The following NAALADL2 variants were observed in gnomAD, a reference collection of about 807,000 sequenced individuals.
NAALADL2 encodes N-acetylated alpha-linked acidic dipeptidase like 2, also known as inactive N-acetylated-alpha-linked acidic dipeptidase-like protein 2.
Under a neutral mutation model 87.2 loss-of-function variants are expected in NAALADL2, and 76 were observed. The observed-to-expected ratio is 0.87, with a 90% CI of 0.72 to 1.05. The LOEUF (loss-of-function observed/expected upper bound fraction) is 1.05. NAALADL2 is among the 50% of genes least tolerant of loss of function. The pLI is 0.00. For missense variants in NAALADL2, 1,089 were observed against 945.8 expected (o/e 1.15, Z -1.99); for synonymous variants, 354 against 331.0 (o/e 1.07, Z -0.75).
At chr3:175,503,781 GT>G (rs1729886271) in intron 9 of NAALADL2, among the ~76,000 whole-genome samples, 1 of 151,922 alleles carries the variant, frequency 6.6e-6, no homozygotes, top group Admixed American at 6.6e-5. Context: ...GGGTTGTTTG[GT>G]TTTTGCTTGC....
intron 2 of NAALADL2, among the ~76,000 whole-genome samples, chr3:174,708,148 G>T (rs1467278224): frequency 6.6e-6 from 1 of 152,098 alleles, no homozygotes; most frequent in East Asian, 1.9e-4. Flanking sequence ...AGTTTGTATG[G>T]TTTGACTCAT....
intron 1 of NAALADL2, among the ~76,000 whole-genome samples, chr3:174,992,125 A>G (rs1408941717): frequency 2.0e-5 from 3 of 152,050 alleles, no homozygotes; most frequent in African/African-American, 7.2e-5. Flanking sequence ...TACACAGGTG[A>G]CTCTGAGATA....
chr3:175,030,107 A>G (rs1752649463), intron 1 of NAALADL2, among the ~76,000 whole-genome samples: 1 of 152,014 alleles, frequency 6.6e-6, no homozygotes, highest in East Asian at 1.9e-4. Context: ...TGCCTTAGAA[A>G]CTGCCAGACA....
chr3:175,256,302 A>T, intron 3 of NAALADL2, 109 bp from the exon 4 acceptor site: 3 of 1,025,682 alleles, frequency 2.9e-6, no homozygotes, highest in Non-Finnish European at 4.2e-6. Flanking sequence ...AATTAATTCT[A>T]TATTGAACAT....
At chr3:175,774,175 C>A (rs1749900217) in intron 13 of NAALADL2, among the ~76,000 whole-genome samples, 1 of 152,018 alleles carries the variant, frequency 6.6e-6, no homozygotes, top group Non-Finnish European at 1.5e-5. Context: ...CTCTGATTTA[C>A]ATGATGAAAG....
At chr3:175,005,305 C>T (rs1402989830) in intron 1 of NAALADL2, among the ~76,000 whole-genome samples, 1 of 152,170 alleles carries the variant, frequency 6.6e-6, no homozygotes, top group Non-Finnish European at 1.5e-5. Context: ...ATATAAATGA[C>T]AGCAATTCAG....
intron 12 of NAALADL2, among the ~76,000 whole-genome samples, chr3:175,747,909 G>A (rs1195808908): frequency 6.6e-6 from 1 of 152,056 alleles, no homozygotes; most frequent in Non-Finnish European, 1.5e-5. Context: ...GACAATTTAG[G>A]GAACCCACTA....
At chr3:175,718,537 T>G (rs557530009) in intron 11 of NAALADL2, 8 of 1,591,490 alleles carry the variant, frequency 5.0e-6, no homozygotes, top group Non-Finnish European at 6.0e-6. Flanking sequence ...ATCTTGTAAG[T>G]GTCATGTCTT....
intron 10 of NAALADL2, among the ~76,000 whole-genome samples, chr3:175,595,295 T>A (rs113669997): frequency 0.044 from 6,619 of 152,110 alleles, 480 homozygotes; most frequent in African/African-American, 0.15. Flanking sequence ...TTGTCAAAGA[T>A]TAGATGGTTG....
At chr3:175,726,993 G>C (rs1014609099) in intron 11 of NAALADL2, among the ~76,000 whole-genome samples, 2 of 152,170 alleles carry the variant, frequency 1.3e-5, no homozygotes, top group African/African-American at 4.8e-5. Flanking sequence ...ACTGTTAGCA[G>C]TTCAGGGCTA....
rs573727314 is a variant in NAALADL2 at position 174,558,139 on chromosome 3, G to A, written c.-115+7502G>A. ...CTCCTTCAAGTTCTAAGAATAATGG[G>A]AACACTTCTGATATCCAAGTTTCCA... On this transcript the variant is annotated intron_variant, in intron 2 of 3. Transcript: ENST00000434257. Among the ~76,000 whole-genome samples the A allele has an allele frequency of 2.6e-5, 4 of 152,190 alleles. No homozygotes were observed. In the East Asian group the frequency reaches 5.8e-4, roughly 22 times the overall value.
intron 5 of NAALADL2, among the ~76,000 whole-genome samples, chr3:175,437,895 CTG>C (rs71882073): frequency 0.049 from 7,411 of 152,048 alleles, 434 homozygotes; most frequent in East Asian, 0.14. Context: ...ATAAATATAA[CTG>C]TTGTTATGAC....
At chr3:175,243,932 CT>C (rs1462240256) in intron 3 of NAALADL2, among the ~76,000 whole-genome samples, 1 of 152,108 alleles carries the variant, frequency 6.6e-6, no homozygotes, top group Non-Finnish European at 1.5e-5. Flanking sequence ...TCCTGGGATA[CT>C]TCTGGCTCCT....
chr3:174,576,152 C>T (rs550888762), intron 2 of NAALADL2, among the ~76,000 whole-genome samples: 7 of 152,038 alleles, frequency 4.6e-5, no homozygotes, highest in Non-Finnish European at 1.0e-4. Flanking sequence ...TGTGAGCCAC[C>T]GTGCCCAGCC....
At chr3:175,008,537 C>A (rs1269142987) in intron 1 of NAALADL2, among the ~76,000 whole-genome samples, 1 of 152,144 alleles carries the variant, frequency 6.6e-6, no homozygotes, top group Non-Finnish European at 1.5e-5. Context: ...AGGCCTGACC[C>A]CAGGCCAACT....
intron 3 of NAALADL2, among the ~76,000 whole-genome samples, chr3:174,751,754 TA>T (rs1359262582): frequency 6.6e-6 from 1 of 152,118 alleles, no homozygotes; most frequent in Admixed American, 6.5e-5. Context: ...GATGCATATC[TA>T]ATAACTTTCA....
intron 2 of NAALADL2, among the ~76,000 whole-genome samples, chr3:174,735,159 T>C (rs918979948): frequency 2.0e-5 from 3 of 152,216 alleles, no homozygotes; most frequent in Non-Finnish European, 2.9e-5. Context: ...CATAGCATTA[T>C]TACTTAATAT....
At chr3:175,478,037 T>C (rs2149311299) in intron 9 of NAALADL2, among the ~76,000 whole-genome samples, 1 of 152,186 alleles carries the variant, frequency 6.6e-6, no homozygotes, top group African/African-American at 2.4e-5. Flanking sequence ...CTGCTTCCTG[T>C]AAGATATAAC....
At chr3:174,637,696 G>A (rs941452624) in intron 2 of NAALADL2, among the ~76,000 whole-genome samples, 2 of 151,906 alleles carry the variant, frequency 1.3e-5, no homozygotes, top group African/African-American at 4.8e-5. Context: ...ATGAGTTTAG[G>A]ATAGAAGAAA....
Sources: allele counts gnomAD v4.1 joint callset (sites outside exome capture counted in the v4.1 genomes callset), GRCh38; gene constraint gnomAD v4.1.1; transcripts MANE v1.5; gene names NCBI Gene and HGNC (gene_info 2026-07-23, HGNC 2026-07-21).